DUOX1: variants seen among roughly 807,000 people sequenced by gnomAD.
DUOX1 encodes NADPH thyroid oxidase 1.
Under a neutral mutation model 181.8 loss-of-function variants are expected in DUOX1, and 134 were observed. The observed-to-expected ratio is 0.74, with a 90% CI of 0.64 to 0.85. DUOX1 has a LOEUF of 0.85. Among genes scored for constraint, DUOX1 ranks in the 40% least tolerant of loss-of-function variants. The probability of loss-of-function intolerance (pLI) is 0.00; values close to 1 mark genes in which losing one functional copy is unlikely to be tolerated. For synonymous variants in DUOX1, 798 were observed against 832.5 expected, an observed-to-expected ratio of 0.96 and a Z score of 0.71; for missense variants, 1,814 against 2,064.4, an observed-to-expected ratio of 0.88 and a Z score of 2.35.
At chr15:45,156,625 G>C (rs1165178503) in intron 28 of DUOX1, among the ~76,000 whole-genome samples, 1 of 152,136 alleles carries the variant, frequency 6.6e-6, no homozygotes, top group Admixed American at 6.5e-5. Context: ...TAGAGACAGG[G>C]TTTCACCATG....
chr15:45,161,982 T>C lies in DUOX1; in HGVS notation c.4089+12T>C. On this transcript the variant is annotated intron_variant, in intron 30 of 33. Transcript: ENST00000389037. ...CCAGATACCCAAAGGTACCAGACCC[T>C]GGCCAGACATGCCACATGCGCCCAT... is the stretch of plus-strand genomic sequence containing the variant. The C allele has an allele frequency of 6.3e-7, 1 of 1,599,272 alleles. No homozygotes were observed. Among genetic ancestry groups the C allele is most frequent in the South Asian group, 1.1e-5 (1 of 89,636 alleles).
chr15:45,134,330 G>T (rs1449138630), intron 4 of DUOX1, 21 bp downstream of exon 4: 1 of 1,575,596 alleles, frequency 6.3e-7, no homozygotes, highest in Non-Finnish European at 8.6e-7. Flanking sequence ...CAACCTCTGG[G>T]GAAGGAAGCC....
Position 45,134,207 on chromosome 15 carries a change from G to C in DUOX1, c.205G>C (p.Glu69Gln). ...AGATGGCGTGTACCAGCCCTTGGGA[G>C]AACCCCACCTGCCCAACCCCCGAGA... ...YADGVYQPLG[E>Q]PHLPNPRDLS... The change falls in exon 4 of 34, where the codon GAA becomes CAA. Residue 69 changes from glutamate to glutamine, a missense_variant. Glu to Gln is a conservative substitution (Grantham distance 29). Transcript: ENST00000389037. 1 of 1,557,868 alleles carries C rather than the reference G, an allele frequency of 6.4e-7. No individual in the cohort carries two copies. The highest frequency in any genetic ancestry group is 8.6e-7 in the Non-Finnish European group (1 of 1,157,478).
At chr15:45,136,433 T>C in intron 8 of DUOX1, 23 bp downstream of exon 8, 19 of 1,612,906 alleles carry the variant, frequency 1.2e-5, no homozygotes, top group Non-Finnish European at 1.5e-5. Flanking sequence ...GGAAGGAGGA[T>C]GGGAGGGCTT....
intron 15 of DUOX1, among the ~76,000 whole-genome samples, chr15:45,142,407 T>C (rs2141267527): frequency 6.6e-6 from 1 of 152,288 alleles, no homozygotes; most frequent in East Asian, 1.9e-4. Flanking sequence ...CCTAGAGGAC[T>C]GTCAGAGGCA....
In DUOX1 at chr15:45,147,950, T is replaced by C; in HGVS notation, c.2595T>C (p.Phe865=). 1 of 1,614,198 alleles carries C rather than the reference T, an allele frequency of 6.2e-7. No homozygotes were observed. Among genetic ancestry groups the C allele is most frequent in the Non-Finnish European group, 8.5e-7 (1 of 1,180,022 alleles). Residue 865 remains phenylalanine (F), a synonymous_variant, in exon 20 of 34, where the codon TTT becomes TTC. Transcript: ENST00000389037. ...GCCTTATGTTCCGCATGTACGACTT[T>C]GATGGGAATGGCCTCATTTCCAAGG... ...KSRLMFRMYD[F]DGNGLISKDE...
chr15:45,132,764 G>A (rs1014791871), intron 2 of DUOX1, among the ~76,000 whole-genome samples: 6 of 152,152 alleles, frequency 3.9e-5, no homozygotes, highest in Non-Finnish European at 8.8e-5. Flanking sequence ...CCCTAGCTTT[G>A]GATTTCCCTT....
chr15:45,157,812 C>A (rs1289006237), intron 28 of DUOX1, among the ~76,000 whole-genome samples: 4 of 60,974 alleles, frequency 6.6e-5, no homozygotes, highest in Non-Finnish European at 2.3e-4. Context: ...GATGGACAGC[C>A]TGTTTAAAAA....
At chr15:45,138,074 G>A (rs1054384877) in intron 10 of DUOX1, 60 bp downstream of exon 10, 1 of 994,104 alleles carries the variant, frequency 1.0e-6, no homozygotes, top group Non-Finnish European at 1.5e-6. Context: ...ATGTGTGTGT[G>A]TGTATGTGTG....
Position 45,148,317 on chromosome 15 carries a change from G to A in DUOX1, c.2688G>A (p.Leu896=), listed in dbSNP as rs1896710410. 1.2e-6 allele frequency: 2 copies of A among 1,614,114 alleles called. No homozygotes were observed. The highest frequency in any genetic ancestry group is 1.7e-5 in the Admixed American group (1 of 60,012). Residue 896 remains leucine, a synonymous_variant, in exon 21 of 34, where the codon CTG becomes CTA. Coordinates refer to ENST00000389037, the MANE Select transcript of DUOX1 (RefSeq NM_175940.3). ...ISNNCLSKAQ[L]AEVVESMFRE... Reference sequence around the variant, plus strand: ...ACAACTGCCTGTCCAAGGCCCAGCTGGCTGAGGTGGTGGAGTCCATGTTCC... The same window carrying A: ...ACAACTGCCTGTCCAAGGCCCAGCTAGCTGAGGTGGTGGAGTCCATGTTCC...
chr15:45,150,842 G>A, intron 22 of DUOX1, 141 bp downstream of exon 22: 1 of 872,386 alleles, frequency 1.1e-6, no homozygotes, highest in Non-Finnish European at 1.8e-6. Context: ...TCTCTAGGCA[G>A]ACACAGCCCT....
At chr15:45,135,433 G>A (rs769653080) in intron 5 of DUOX1, 41 bp from the exon 6 acceptor site, 2 of 1,534,418 alleles carry the variant, frequency 1.3e-6, no homozygotes, top group Non-Finnish European at 8.8e-7. Context: ...CTAGCTCGCC[G>A]CCGCCCATCG....
Position 45,136,330 on chromosome 15 carries a change from C to G in DUOX1, c.865-20C>G. The G allele has an allele frequency of 1.2e-6, 2 of 1,612,930 alleles. No homozygotes were observed. Among genetic ancestry groups the G allele is most frequent in the South Asian group, 2.2e-5 (2 of 91,030 alleles). On this transcript the variant is annotated intron_variant, in intron 7 of 33. Transcript: ENST00000389037. ...TCCCCATCCAACTCGTGCCTCCCCT[C>G]GCCCCTCTCTGCCCCTCAGAACATC...
chr15:45,151,328 A>C, intron 23 of DUOX1, 80 bp downstream of exon 23: 9 of 1,540,028 alleles, frequency 5.8e-6, no homozygotes, highest in Non-Finnish European at 7.9e-6. Flanking sequence ...GGTGCCAGGC[A>C]CTGTGCTAAA....
In DUOX1 at chr15:45,151,870, C is replaced by T; in HGVS notation, c.3015-4C>T. 1 of 1,609,680 alleles carries T rather than the reference C, an allele frequency of 6.2e-7. No individual in the cohort carries two copies. The highest frequency in any genetic ancestry group is 8.5e-7 in the Non-Finnish European group (1 of 1,177,508). On this transcript the variant is annotated splice_polypyrimidine_tract_variant and splice_region_variant and intron_variant, in intron 23 of 33. Transcript: ENST00000389037. ...GCCAAAGGCTAAGGCTTCCTGTCTCCCAGGGTAACGTCATTCCAGCCCTTG... is the reference window on the plus strand; with the variant it reads ...GCCAAAGGCTAAGGCTTCCTGTCTCTCAGGGTAACGTCATTCCAGCCCTTG...
intron 29 of DUOX1, among the ~76,000 whole-genome samples, chr15:45,161,383 C>CA: frequency 7.3e-6 from 1 of 136,752 alleles, no homozygotes; most frequent in East Asian, 2.2e-4. Context: ...CGTGCCACTG[C>CA]ACTCCAGCCT....
intron 1 of DUOX1, among the ~76,000 whole-genome samples, chr15:45,130,997 G>A (rs1896118413): frequency 6.6e-6 from 1 of 152,208 alleles, no homozygotes. Flanking sequence ...AGTTATGGCA[G>A]GGCCTAGGTT....
intron 21 of DUOX1, among the ~76,000 whole-genome samples, chr15:45,149,524 AT>A (rs3837721): frequency 4.6e-5 from 7 of 151,930 alleles, no homozygotes; most frequent in Admixed American, 1.3e-4. Context: ...TTGACTCCAG[AT>A]TTTTTTTATA....
intron 27 of DUOX1, among the ~76,000 whole-genome samples, chr15:45,154,776 ATCT>A (rs1178886262): frequency 2.6e-5 from 4 of 152,030 alleles, no homozygotes; most frequent in Non-Finnish European, 2.9e-5. Flanking sequence ...CAGGGCTCTA[ATCT>A]TCTTAACTTC....
Sources: gnomAD v4.1 joint callset for allele counts (sites outside exome capture counted in the v4.1 genomes callset) on GRCh38, gnomAD v4.1.1 for gene constraint, MANE v1.5 for transcripts, NCBI Gene and HGNC (gene_info 2026-07-23, HGNC 2026-07-21) for gene names.